The following ORC3 variants were observed in gnomAD, a reference collection of about 807,000 sequenced individuals.
ORC3 encodes the protein origin recognition complex subunit 3.
Under a neutral mutation model 100.7 loss-of-function variants are expected in ORC3, and 78 were observed. The observed-to-expected ratio is 0.77, with a 90% CI of 0.65 to 0.94. The LOEUF is 0.94. ORC3 is among the 40% of genes least tolerant of loss of function. The probability of loss-of-function intolerance (pLI) is 0.00; values close to 1 mark genes in which losing one functional copy is unlikely to be tolerated. For missense variants in ORC3, 789 were observed against 823.9 expected, an observed-to-expected ratio of 0.96 and a Z score of 0.52; for synonymous variants, 295 against 289.3, an observed-to-expected ratio of 1.02 and a Z score of -0.20.
chr6:87,672,435 G>C (rs757346248), downstream of ORC3, among the ~76,000 whole-genome samples: 19 of 152,172 alleles, frequency 1.2e-4, no homozygotes, highest in Non-Finnish European at 2.4e-4. Context: ...CTGAGACATA[G>C]GTTTGCATCT....
rs199915007 is a variant in ORC3 at position 87,594,337 on chromosome 6, G to A, written c.25-16G>A. On this transcript the variant is annotated splice_polypyrimidine_tract_variant and intron_variant, in intron 1 of 19. Transcript: ENST00000392844. Reference sequence around the variant, plus strand: ...TGGCTACTTTGACTTTATGCTTTTCGTCTTTCTTTTTATAGGGTTGCTTTG... The same window carrying A: ...TGGCTACTTTGACTTTATGCTTTTCATCTTTCTTTTTATAGGGTTGCTTTG... The A allele has an allele frequency of 1.4e-4, 219 of 1,561,656 alleles. 1 individual carries two copies. The African/African-American group carries it at 2.3e-3, about 16-fold the overall frequency.
chr6:87,606,882 T>C (rs908806656), intron 5 of ORC3, among the ~76,000 whole-genome samples: 2 of 152,264 alleles, frequency 1.3e-5, no homozygotes, highest in Admixed American at 6.5e-5. Context: ...TTGGATTAGA[T>C]TGATAAAAGA....
At chr6:87,590,324 G>A in intron 1 of ORC3, 132 bp downstream of exon 1, 1 of 986,240 alleles carries the variant, frequency 1.0e-6, no homozygotes, top group South Asian at 1.3e-5. Flanking sequence ...ACTGAGCTGA[G>A]GCGTCCTTGC....
At chr6:87,638,897 C>T (rs1192201785) in intron 13 of ORC3, among the ~76,000 whole-genome samples, 1 of 151,420 alleles carries the variant, frequency 6.6e-6, no homozygotes, top group East Asian at 1.9e-4. Flanking sequence ...CATATAAATT[C>T]AAGAGTCAGT....
At chr6:87,603,587 T>C in intron 4 of ORC3, 59 bp downstream of exon 4, 1 of 1,194,108 alleles carries the variant, frequency 8.4e-7, no homozygotes, top group Admixed American at 2.3e-5. Flanking sequence ...TTTAAATTTT[T>C]TTTTATTGTT....
intron 13 of ORC3, among the ~76,000 whole-genome samples, chr6:87,652,331 A>G (rs1156690718): frequency 6.6e-6 from 1 of 152,224 alleles, no homozygotes; most frequent in African/African-American, 2.4e-5. Flanking sequence ...ATTACTGAGT[A>G]TGATCTTAGT....
chr6:87,675,441 A>C, the ORC3 span: 1 of 1,021,562 alleles, frequency 9.8e-7, no homozygotes, highest in African/African-American at 1.6e-5. Context: ...AATTTCCAAA[A>C]CCAGTTGCTG....
intron 1 of ORC3, among the ~76,000 whole-genome samples, chr6:87,593,598 C>T: frequency 6.6e-6 from 1 of 152,196 alleles, no homozygotes; most frequent in East Asian, 1.9e-4. Context: ...GAAACAGCTG[C>T]AATTATCTAT....
chr6:87,615,164 G>C (rs1779071090), intron 8 of ORC3, among the ~76,000 whole-genome samples: 1 of 152,208 alleles, frequency 6.6e-6, no homozygotes, highest in Non-Finnish European at 1.5e-5. Context: ...CAGGCAAAGA[G>C]AGAGAGCTTG....
chr6:87,656,596 AATT>A (rs926973947), intron 14 of ORC3, among the ~76,000 whole-genome samples: 2 of 151,876 alleles, frequency 1.3e-5, no homozygotes, highest in Admixed American at 1.3e-4. Flanking sequence ...GAAAAAAAAA[AATT>A]TTTTTTTTTG....
Position 87,612,255 on chromosome 6 carries a change from A to C in ORC3, c.873+7A>C. The C allele has an allele frequency of 6.3e-7, 1 of 1,582,904 alleles. No homozygotes were observed. The highest frequency in any genetic ancestry group is 8.6e-7 in the Non-Finnish European group (1 of 1,166,292). ...GACTACGGTACTCGATAAGGTAAAA[A>C]GAATAAGTTTTACCAGTGAAATAGG... On this transcript the variant is annotated splice_region_variant and intron_variant, in intron 8 of 19. Coordinates refer to ENST00000392844, the MANE Select transcript of ORC3 (RefSeq NM_012381.4).
chr6:87,631,275 A>C (rs1032413474), intron 11 of ORC3, among the ~76,000 whole-genome samples: 2 of 152,188 alleles, frequency 1.3e-5, no homozygotes, highest in African/African-American at 4.8e-5. Context: ...AGAACAGAGA[A>C]AGCATATCTT....
intron 1 of ORC3, among the ~76,000 whole-genome samples, chr6:87,593,754 T>C (rs914290090): frequency 1.3e-5 from 2 of 152,270 alleles, no homozygotes; most frequent in Admixed American, 6.5e-5. Context: ...TGGAGTGCAA[T>C]GGCACGATCT....
At chr6:87,662,610 G>A (rs1473690682) in intron 16 of ORC3, among the ~76,000 whole-genome samples, 1 of 152,084 alleles carries the variant, frequency 6.6e-6, no homozygotes, top group Non-Finnish European at 1.5e-5. Flanking sequence ...GTAGATATCT[G>A]TTTTCTCATT....
chr6:87,599,273 A>G (rs1278648132), intron 2 of ORC3, among the ~76,000 whole-genome samples: 2 of 152,102 alleles, frequency 1.3e-5, no homozygotes, highest in East Asian at 3.9e-4. Context: ...ATGTTATGCT[A>G]TGATTTTACC....
At chr6:87,610,699 G>T (rs1286980821) in intron 7 of ORC3, among the ~76,000 whole-genome samples, 2 of 146,322 alleles carry the variant, frequency 1.4e-5, no homozygotes, top group South Asian at 2.1e-4. Flanking sequence ...GACTACAGGC[G>T]CCCGCCACCG....
At chr6:87,651,482 TAAATCTC>T in intron 13 of ORC3, 1 of 309,566 alleles carries the variant, frequency 3.2e-6, no homozygotes, top group Non-Finnish European at 6.5e-6. Context: ...CCACAAATTT[TAAATCTC>T]AACTGTAATC....
At chr6:87,634,084 T>G (rs189124210) in intron 11 of ORC3, among the ~76,000 whole-genome samples, 1,577 of 152,232 alleles carry the variant, frequency 0.01, 32 homozygotes, top group African/African-American at 0.036. Context: ...AAGCTCAAGC[T>G]ATCCTCCTGC....
In ORC3 at chr6:87,594,223, C is replaced by G. The variant is rs1777256294; in HGVS notation, c.25-130C>G. On this transcript the variant is annotated intron_variant, in intron 1 of 19. Coordinates refer to ENST00000392844, the MANE Select transcript of ORC3 (RefSeq NM_012381.4). ...GAGAAGTGATGTGATTTCTTAGAAC[C>G]TGAAAGAAATGTGTTCTCTCCCCTA... The G allele has an allele frequency of 5.1e-6, 3 of 585,792 alleles. No individual in the cohort carries two copies. In the South Asian group the frequency reaches 8.8e-5, roughly 17 times the overall value. 36.3% of individuals were successfully genotyped at this position (585,792 alleles called of 1,614,324 possible).
Sources: allele counts gnomAD v4.1 joint callset (sites outside exome capture counted in the v4.1 genomes callset), GRCh38; gene constraint gnomAD v4.1.1; transcripts MANE v1.5; gene names NCBI Gene and HGNC (gene_info 2026-07-23, HGNC 2026-07-21).